Variants in TRPM3 observed in about 807,000 individuals in gnomAD.
The protein encoded by TRPM3 is transient receptor potential cation channel subfamily M member 3.
In TRPM3, 77 loss-of-function variants were observed where a neutral mutation model predicts 181.2. The ratio of observed to expected loss-of-function variants is 0.42; its 90% CI spans 0.35 to 0.51. The LOEUF (loss-of-function observed/expected upper bound fraction) is 0.51. Among genes scored for constraint, TRPM3 ranks in the 20% least tolerant of loss-of-function variants. The pLI, the probability that TRPM3 is intolerant of heterozygous loss-of-function variation, is 0.01. For synonymous variants in TRPM3, 745 were observed against 796.4 expected (o/e 0.94, Z 1.09); for missense variants, 1,759 against 2,196.7 (o/e 0.80, Z 3.98).
At chr9:70,904,031 T>C (rs1446517346) in intron 1 of TRPM3, among the ~76,000 whole-genome samples, 1 of 152,090 alleles carries the variant, frequency 6.6e-6, no homozygotes, top group African/African-American at 2.4e-5. Flanking sequence ...GAGACCAGCC[T>C]GGGCAACATG....
rs1216840657 is a variant in TRPM3, at chr9:70,827,112, A to G, written c.973+735T>C. On this transcript the variant is annotated intron_variant, in intron 6 of 25. Transcript: ENST00000677713. ...CACATATACATCTATCTATATCTAA[A>G]TCCATATGTATCTAGAGACAATGAG... The G allele has an allele frequency of 3.9e-5, 6 of 152,254 alleles. No homozygotes were observed. The South Asian group carries it at 1.0e-3, about 26-fold the overall frequency. The allele number at this position is 152,254 out of a possible 1,614,324, so 9.4% of individuals were successfully genotyped here. A position where few individuals can be genotyped will look rare whatever the true frequency, so the allele number is the denominator to read the frequency against.
At chr9:70,700,655 A>G (rs2072221678) in intron 8 of TRPM3, among the ~76,000 whole-genome samples, 1 of 152,254 alleles carries the variant, frequency 6.6e-6, no homozygotes, top group Non-Finnish European at 1.5e-5. Context: ...TTTAGACGAT[A>G]ACTGCCATAG....
intron 12 of TRPM3, among the ~76,000 whole-genome samples, chr9:70,627,866 CT>C (rs1386465198): frequency 1.3e-5 from 2 of 152,148 alleles, no homozygotes; most frequent in Non-Finnish European, 2.9e-5. Context: ...TCAAAATCTC[CT>C]TTGTTTGAAG....
chr9:71,063,663 C>A (rs1424249928), intron 1 of TRPM3, among the ~76,000 whole-genome samples: 1 of 151,852 alleles, frequency 6.6e-6, no homozygotes, highest in African/African-American at 2.4e-5. Flanking sequence ...ATTCAGTAGA[C>A]AAAGATGGCT....
intron 1 of TRPM3, among the ~76,000 whole-genome samples, chr9:71,157,812 G>T (rs1026279425): frequency 6.6e-6 from 1 of 152,096 alleles, no homozygotes; most frequent in African/African-American, 2.4e-5. Context: ...GGTATTTTTA[G>T]TCATTCTTTT....
rs180958393 is a variant in TRPM3, at chr9:70,641,936, C to T, written c.1346-1276G>A. ...TTTGTGAAATGGAGGCAATAAATAT[C>T]CAGTTTACATGGCTGGGGTGTGAGA... On this transcript the variant is annotated intron_variant, in intron 9 of 25. Transcript: ENST00000677713. Among the ~76,000 whole-genome samples, 6 of 152,288 alleles carry T rather than the reference C, an allele frequency of 3.9e-5. No individual in the cohort carries two copies. In the East Asian group the frequency reaches 9.6e-4, roughly 24 times the overall value.
chr9:70,666,620 G>A (rs1369127109), intron 9 of TRPM3, among the ~76,000 whole-genome samples: 3 of 152,132 alleles, frequency 2.0e-5, no homozygotes, highest in African/African-American at 7.2e-5. Flanking sequence ...AAGCATTCTA[G>A]CTCCTAGTTC....
chr9:71,397,760 T>A (rs1333119804), intron 1 of TRPM3, among the ~76,000 whole-genome samples: 1 of 149,956 alleles, frequency 6.7e-6, no homozygotes, highest in Non-Finnish European at 1.5e-5. Context: ...TATGTTTACA[T>A]CAGAAAAAGA....
chr9:71,149,329 G>C (rs2075602854), intron 1 of TRPM3, among the ~76,000 whole-genome samples: 1 of 152,168 alleles, frequency 6.6e-6, no homozygotes, highest in Non-Finnish European at 1.5e-5. Flanking sequence ...CTTGGGCCCA[G>C]GAGGTGGAGG....
intron 1 of TRPM3, among the ~76,000 whole-genome samples, chr9:71,143,505 C>G (rs919871791): frequency 6.6e-6 from 1 of 152,106 alleles, no homozygotes; most frequent in African/African-American, 2.4e-5. Context: ...CATGTCCCTG[C>G]AAGGGACATG....
chr9:70,568,135 G>T (rs1195261215), intron 22 of TRPM3, among the ~76,000 whole-genome samples: 1 of 152,172 alleles, frequency 6.6e-6, no homozygotes. Context: ...TACTTAAGGT[G>T]TCTAGTGGAA....
chr9:71,143,615 G>A (rs1341837912), intron 1 of TRPM3, among the ~76,000 whole-genome samples: 1 of 152,106 alleles, frequency 6.6e-6, no homozygotes, highest in African/African-American at 2.4e-5. Flanking sequence ...TTGATTCTAT[G>A]TGTTTGCTAT....
intron 1 of TRPM3, among the ~76,000 whole-genome samples, chr9:71,040,836 G>A (rs991192619): frequency 6.6e-6 from 1 of 152,058 alleles, no homozygotes; most frequent in Non-Finnish European, 1.5e-5. Flanking sequence ...TAATCATGAG[G>A]AGGCATCAGA....
chr9:71,098,327 C>T (rs955520975), intron 1 of TRPM3, among the ~76,000 whole-genome samples: 1 of 151,976 alleles, frequency 6.6e-6, no homozygotes, highest in Admixed American at 6.6e-5. Flanking sequence ...TTAATGAAGC[C>T]TATTTTTACA....
intron 1 of TRPM3, among the ~76,000 whole-genome samples, chr9:71,388,655 T>C (rs2092986878): frequency 6.6e-6 from 1 of 152,150 alleles, no homozygotes; most frequent in Non-Finnish European, 1.5e-5. Context: ...ACAGACACAT[T>C]CACTAGCCTC....
At chr9:71,234,380 T>G (rs957505131) in intron 1 of TRPM3, among the ~76,000 whole-genome samples, 1 of 152,182 alleles carries the variant, frequency 6.6e-6, no homozygotes, top group Admixed American at 6.5e-5. Flanking sequence ...GAGGCCATCT[T>G]AGGAGCTGAC....
chr9:70,568,669 T>C (rs960509432), intron 22 of TRPM3, among the ~76,000 whole-genome samples: 1 of 152,196 alleles, frequency 6.6e-6, no homozygotes, highest in African/African-American at 2.4e-5. Context: ...ACTTGCACAA[T>C]GACACACAGC....
At chr9:70,584,471 A>G (rs2132416878) in intron 22 of TRPM3, among the ~76,000 whole-genome samples, 1 of 152,332 alleles carries the variant, frequency 6.6e-6, no homozygotes, top group African/African-American at 2.4e-5. Context: ...TATTGTGAAC[A>G]ACTTCAATAT....
intron 1 of TRPM3, among the ~76,000 whole-genome samples, chr9:70,884,353 T>C (rs1052250364): frequency 1.3e-5 from 2 of 152,216 alleles, no homozygotes; most frequent in Non-Finnish European, 2.9e-5. Context: ...TCTGATACCA[T>C]GTTGGCATCT....
Sources: gnomAD v4.1 joint callset for allele counts (sites outside exome capture counted in the v4.1 genomes callset) on GRCh38, gnomAD v4.1.1 for gene constraint, MANE v1.5 for transcripts, NCBI Gene and HGNC (gene_info 2026-07-23, HGNC 2026-07-21) for gene names.